Variants in MTUS2 observed in about 807,000 individuals in gnomAD.
MTUS2 encodes microtubule-associated tumor suppressor candidate 2.
Under a neutral mutation model 114.1 loss-of-function variants are expected in MTUS2, and 40 were observed. The observed-to-expected ratio is 0.35, with a 90% CI of 0.27 to 0.46. The LOEUF (loss-of-function observed/expected upper bound fraction) is 0.46, where lower values mean the gene tolerates loss of function less well. Among genes scored for constraint, MTUS2 ranks in the 20% least tolerant of loss-of-function variants. MTUS2 has a pLI of 1.00. For synonymous variants in MTUS2, 688 were observed against 672.0 expected (o/e 1.02, Z -0.37); for missense variants, 1,679 against 1,705.4 (o/e 0.98, Z 0.27).
chr13:29,109,844 G>T (rs1890812625), intron 5 of MTUS2, among the ~76,000 whole-genome samples: 2 of 152,166 alleles, frequency 1.3e-5, no homozygotes, highest in Non-Finnish European at 2.9e-5. Context: ...AAGTGCTTCT[G>T]CTGACATCTG....
chr13:28,966,026 G>A (rs190405795), intron 2 of MTUS2, among the ~76,000 whole-genome samples: 2 of 152,248 alleles, frequency 1.3e-5, no homozygotes, highest in African/African-American at 4.8e-5. Flanking sequence ...TGCTCAAAGT[G>A]GCATCTTTAC....
chr13:28,894,283 G>GA lies in MTUS2; in HGVS notation c.-243+54433_-243+54434insA. 7.8e-5 allele frequency among the ~76,000 whole-genome samples: 3 copies of GA among 38,358 alleles called. No individual in the cohort carries two copies. The South Asian group carries it at 3.5e-3, about 44-fold the overall frequency. 25.2% of individuals were successfully genotyped at this position (38,358 alleles called of 152,430 possible). ...TATAAGAAGAAGGAGAGTTGGTGGG[G>GA]GGGGGGGAGAGAGAGAGAGAGGGGG... On this transcript the variant is annotated intron_variant, in intron 2 of 15. Coordinates refer to ENST00000612955, the MANE Select transcript of MTUS2 (RefSeq NM_001033602.4).
chr13:28,930,689 C>T (rs1270407453), intron 2 of MTUS2, among the ~76,000 whole-genome samples: 3 of 152,132 alleles, frequency 2.0e-5, no homozygotes, highest in Non-Finnish European at 2.9e-5. Flanking sequence ...GGGTACTTTC[C>T]TTGTTCCCCT....
At chr13:29,307,284 TATC>T in intron 6 of MTUS2, 1 of 660,138 alleles carries the variant, frequency 1.5e-6, no homozygotes, top group Non-Finnish European at 2.8e-6. Flanking sequence ...ACAACTTTGG[TATC>T]ATGGAAGGAC....
chr13:29,437,516 T>A lies in MTUS2; in HGVS notation c.3118-2467T>A, dbSNP rs189296477. Among the ~76,000 whole-genome samples the A allele has an allele frequency of 7.9e-5, 12 of 152,348 alleles. No homozygotes were observed. In the East Asian group the frequency reaches 2.3e-3, roughly 29 times the overall value. On this transcript the variant is annotated intron_variant, in intron 8 of 15. Transcript: ENST00000612955. ...CACATTGATTGTCATCTGGTCATATTATACTGCTGTTAGAATGAGTATGTA... is the reference window on the plus strand; with the variant it reads ...CACATTGATTGTCATCTGGTCATATAATACTGCTGTTAGAATGAGTATGTA...
chr13:29,161,762 T>C (rs2139081114), intron 5 of MTUS2, among the ~76,000 whole-genome samples: 1 of 152,340 alleles, frequency 6.6e-6, no homozygotes, highest in Admixed American at 6.5e-5. Flanking sequence ...CAGCCCCTGC[T>C]CCCTGACCTA....
At chr13:29,048,267 C>G (rs1035617973) in intron 4 of MTUS2, among the ~76,000 whole-genome samples, 1 of 152,148 alleles carries the variant, frequency 6.6e-6, no homozygotes, top group Non-Finnish European at 1.5e-5. Context: ...AGTTATTCCT[C>G]TAGCTTCTTA....
intron 5 of MTUS2, among the ~76,000 whole-genome samples, chr13:29,153,519 T>C (rs146104717): frequency 1.0e-3 from 152 of 152,202 alleles, no homozygotes; most frequent in African/African-American, 3.3e-3. Context: ...AACCTCCTAG[T>C]CCATGATTCT....
intron 5 of MTUS2, among the ~76,000 whole-genome samples, chr13:29,188,845 C>T (rs1405517940): frequency 2.6e-5 from 4 of 152,198 alleles, no homozygotes; most frequent in South Asian, 2.1e-4. Context: ...TCCCCCTGCA[C>T]GCAAACCTGC....
Position 29,183,156 on chromosome 13 carries a change from C to G in MTUS2, c.2644+82186C>G, listed in dbSNP as rs149781674. Among the ~76,000 whole-genome samples the G allele has an allele frequency of 8.6e-3, 1,305 of 152,180 alleles. 12 individuals are homozygous for G. The highest frequency in any genetic ancestry group is 0.012 in the Non-Finnish European group (811 of 68,014). ...AGGCAAGATGTGAGGATGAATTGTA[C>G]CACGGAAGGTGCAGAGGAGATGGTA... On this transcript the variant is annotated intron_variant, in intron 5 of 15. Transcript: ENST00000612955.
At chr13:28,983,947 T>C (rs541401822) in intron 2 of MTUS2, among the ~76,000 whole-genome samples, 4 of 152,378 alleles carry the variant, frequency 2.6e-5, no homozygotes, top group African/African-American at 7.2e-5. Flanking sequence ...GGCGCTCTCT[T>C]GCTTTGCTCT....
intron 7 of MTUS2, among the ~76,000 whole-genome samples, chr13:29,345,697 T>G (rs1868602879): frequency 6.6e-6 from 1 of 152,112 alleles, no homozygotes; most frequent in Non-Finnish European, 1.5e-5. Flanking sequence ...GCTAGTGAGA[T>G]AGTGTGATCT....
Position 29,025,915 on chromosome 13 carries a change from C to T in MTUS2, c.1217C>T (p.Ala406Val), listed in dbSNP as rs765039504. Residue 406 changes from alanine (A) to valine (V), a missense_variant, in exon 3 of 16, where the codon GCT (alanine) becomes GTT (valine). Transcript: ENST00000612955. Reference protein sequence around the residue: ...PKQGSASLGGADNQPTGKISP... With the variant: ...PKQGSASLGGVDNQPTGKISP... Reference sequence around the variant, plus strand: ...CAGGGCTCTGCTTCCTTAGGAGGGGCTGATAATCAGCCCACTGGCAAAATT... The same window carrying T: ...CAGGGCTCTGCTTCCTTAGGAGGGGTTGATAATCAGCCCACTGGCAAAATT... The T allele has an allele frequency of 5.8e-5, 93 of 1,613,678 alleles. No individual in the cohort carries two copies. The Middle Eastern group carries it at 1.3e-3, about 23-fold the overall frequency.
At chr13:29,452,208 C>G (rs754787058) in intron 9 of MTUS2, among the ~76,000 whole-genome samples, 141 of 152,262 alleles carry the variant, frequency 9.3e-4, no homozygotes, top group Non-Finnish European at 1.1e-3. Context: ...AATACATTAT[C>G]AGCTACAATT....
intron 8 of MTUS2, among the ~76,000 whole-genome samples, chr13:29,383,048 A>G (rs991917084): frequency 4.0e-5 from 6 of 151,458 alleles, no homozygotes; most frequent in African/African-American, 1.5e-4. Context: ...CAGTGCACCT[A>G]TTTGATAATA....
At chr13:29,164,345 G>A (rs1057151302) in intron 5 of MTUS2, among the ~76,000 whole-genome samples, 1 of 152,160 alleles carries the variant, frequency 6.6e-6, no homozygotes, top group East Asian at 1.9e-4. Context: ...CATTATTTCT[G>A]TCCTGAAGTC....
At chr13:29,009,423 T>C (rs1257765921) in intron 2 of MTUS2, among the ~76,000 whole-genome samples, 1 of 151,930 alleles carries the variant, frequency 6.6e-6, no homozygotes, top group Admixed American at 6.5e-5. Flanking sequence ...TAATATAGTA[T>C]AATATAATCT....
At chr13:28,895,266 A>G (rs1030320584) in intron 2 of MTUS2, among the ~76,000 whole-genome samples, 6 of 152,206 alleles carry the variant, frequency 3.9e-5, no homozygotes, top group African/African-American at 1.4e-4. Context: ...GGAAGAGAGC[A>G]TGTCCTCTAA....
intron 8 of MTUS2, chr13:29,428,917 C>T (rs1015434100): frequency 3.7e-6 from 6 of 1,610,996 alleles, no homozygotes; most frequent in Non-Finnish European, 5.1e-6. Context: ...TTCCCTCTCT[C>T]TTCTTCCCCC....
Sources: gnomAD v4.1 joint callset for allele counts (sites outside exome capture counted in the v4.1 genomes callset) on GRCh38, gnomAD v4.1.1 for gene constraint, MANE v1.5 for transcripts, NCBI Gene and HGNC (gene_info 2026-07-23, HGNC 2026-07-21) for gene names.